Variants in PTP4A1 observed in about 807,000 individuals in gnomAD.
The protein encoded by PTP4A1 is protein tyrosine phosphatase type IVA 1.
In PTP4A1, 9 loss-of-function variants were observed where a neutral mutation model predicts 20.5. That is an observed-to-expected ratio of 0.44 (90% CI 0.26 to 0.77). PTP4A1 has a LOEUF of 0.77. PTP4A1 is among the 30% of genes least tolerant of loss of function. The pLI is 0.19. For synonymous variants in PTP4A1, 78 were observed against 67.4 expected (o/e 1.16, Z -0.77); for missense variants, 137 against 218.8 (o/e 0.63, Z 2.36).
chr6:63,570,198 G>C (rs929023741), upstream of PTP4A1, among the ~76,000 whole-genome samples: 1 of 152,088 alleles, frequency 6.6e-6, no homozygotes, highest in African/African-American at 2.4e-5. Context: ...AGGTGTGGTG[G>C]CAGGTGGCTG....
intron 3 of PTP4A1, among the ~76,000 whole-genome samples, chr6:63,558,976 G>C (rs1313182315): frequency 6.6e-6 from 1 of 152,122 alleles, no homozygotes; most frequent in Non-Finnish European, 1.5e-5. Flanking sequence ...AATGTTGAAG[G>C]GTGATTAGCT....
intron 3 of PTP4A1, among the ~76,000 whole-genome samples, chr6:63,556,253 G>A (rs1203203982): frequency 6.6e-6 from 1 of 151,842 alleles, no homozygotes; most frequent in Non-Finnish European, 1.5e-5. Flanking sequence ...CTTCCTCCGA[G>A]GCTCCAGGGT....
Position 63,581,029 on chromosome 6 carries a change from T to C in PTP4A1, c.*855T>C, listed in dbSNP as rs1253898177. On this transcript the variant is annotated 3_prime_UTR_variant, in exon 6 of 6. Coordinates refer to ENST00000626021, the MANE Select transcript of PTP4A1 (RefSeq NM_003463.5). ...TCTTTAATTTAGTAAAATATTTTTTTAAAAGGTAGAGATGCTTTGTTATTG... is the reference window on the plus strand; with the variant it reads ...TCTTTAATTTAGTAAAATATTTTTTCAAAAGGTAGAGATGCTTTGTTATTG... The C allele has an allele frequency of 6.6e-6, 1 of 152,230 alleles. No individual in the cohort carries two copies. Among genetic ancestry groups the C allele is most frequent in the African/African-American group, 2.4e-5 (1 of 41,456 alleles). The allele number at this position is 152,230 out of a possible 1,614,324, so 9.4% of individuals were successfully genotyped here.
intron 1 of PTP4A1, chr6:63,573,466 G>T (rs1199360257): frequency 2.6e-5 from 4 of 152,176 alleles, no homozygotes. Context: ...GCGCCTGACT[G>T]AAGGCGCGGC....
upstream of PTP4A1, among the ~76,000 whole-genome samples, chr6:63,520,676 G>A (rs1174664251): frequency 2.2e-5 from 3 of 138,888 alleles, no homozygotes; most frequent in East Asian, 4.1e-4. Flanking sequence ...TAAATAAAAT[G>A]AAAATAGATA....
chr6:63,571,091 G>A (rs942672492), upstream of PTP4A1: 5 of 152,238 alleles, frequency 3.3e-5, no homozygotes, highest in Non-Finnish European at 5.9e-5. Context: ...AAAATGTGTC[G>A]TAGGTGAGCC....
chr6:63,558,879 C>T (rs1468474509), intron 3 of PTP4A1, among the ~76,000 whole-genome samples: 1 of 152,174 alleles, frequency 6.6e-6, no homozygotes. Flanking sequence ...AATGAGTTGC[C>T]TCATCTGTCA....
intron 1 of PTP4A1, among the ~76,000 whole-genome samples, chr6:63,574,945 T>C (rs1777756158): frequency 6.6e-6 from 1 of 152,252 alleles, no homozygotes. Flanking sequence ...CTCTGAGGGC[T>C]TGTTTGAACA....
In PTP4A1 at chr6:63,573,589, C is replaced by T. The variant is rs540574020; in HGVS notation, c.-446+870C>T. The stretch of plus-strand genomic sequence containing the variant: ...GGCATTCCGCGAGCTGCACCCCTGC[C>T]CGGGCCAGAGTGGGGTTCTGCTAGG... On this transcript the variant is annotated intron_variant, in intron 1 of 5. Coordinates refer to ENST00000626021, the MANE Select transcript of PTP4A1 (RefSeq NM_003463.5). 5 of 152,422 alleles carry T rather than the reference C, an allele frequency of 3.3e-5. No homozygotes were observed. The South Asian group carries it at 1.0e-3, about 32-fold the overall frequency. The allele number at this position is 152,422 out of a possible 1,614,324, so 9.4% of individuals were successfully genotyped here.
At chr6:63,521,906 A>G (rs1774940247) in intron 1 of PTP4A1, 1 of 152,236 alleles carries the variant, frequency 6.6e-6, no homozygotes, top group African/African-American at 2.4e-5. Flanking sequence ...TCTTATAAAA[A>G]TATATTAATC....
intron 2 of PTP4A1, among the ~76,000 whole-genome samples, chr6:63,540,254 C>T (rs1581919688): frequency 7.9e-6 from 1 of 126,718 alleles, no homozygotes; most frequent in African/African-American, 2.9e-5. Context: ...AAGGCAGGAG[C>T]CCAGATGTAT....
rs1777884877 is a variant in PTP4A1, at chr6:63,576,674, G to A, written c.-207G>A. ...GTAAACCTCAGTGCACTTCTTTTCT[G>A]TTGGCCTCAGTATTACTGGATTGAA... On this transcript the variant is annotated 5_prime_UTR_variant, in exon 2 of 6. Coordinates refer to ENST00000626021, the MANE Select transcript of PTP4A1 (RefSeq NM_003463.5). 1.7e-6 allele frequency: 1 copy of A among 580,482 alleles called. No homozygotes were observed. The highest frequency in any genetic ancestry group is 3.3e-5 in the Admixed American group (1 of 30,160). 36.0% of individuals were successfully genotyped at this position (580,482 alleles called of 1,614,324 possible).
chr6:63,562,769 T>A (rs2149497130), intron 3 of PTP4A1, among the ~76,000 whole-genome samples: 1 of 152,382 alleles, frequency 6.6e-6, no homozygotes, highest in African/African-American at 2.4e-5. Context: ...CCCGCTGCTA[T>A]ATTCTCAAAA....
chr6:63,517,910 T>G (rs1024379512), upstream of PTP4A1, among the ~76,000 whole-genome samples: 1 of 152,056 alleles, frequency 6.6e-6, no homozygotes, highest in East Asian at 1.9e-4. Context: ...TCCCAACACT[T>G]TGGGAGTCCA....
In PTP4A1 at chr6:63,529,328, G is replaced by T. The variant is rs181926775; in HGVS notation, c.-640+1244G>T. Among the ~76,000 whole-genome samples the T allele has an allele frequency of 4.0e-5, 6 of 150,076 alleles. No individual in the cohort carries two copies. The East Asian group carries it at 1.2e-3, about 29-fold the overall frequency. On this transcript the variant is annotated intron_variant, in intron 2 of 3. Coordinates refer to the PTP4A1 transcript ENST00000639568. Reference sequence around the variant, plus strand: ...TACATAACATTTGATACATAAAATGGTCTTATTGCAAGACAAATATCAGAA... The same window carrying T: ...TACATAACATTTGATACATAAAATGTTCTTATTGCAAGACAAATATCAGAA...
chr6:63,527,801 G>C (rs1160016818), intron 1 of PTP4A1: 1 of 152,162 alleles, frequency 6.6e-6, no homozygotes, highest in Non-Finnish European at 1.5e-5. Context: ...CTGACAGATT[G>C]CTCTTTTTCC....
At chr6:63,565,169 T>C (rs1777135273) in intron 3 of PTP4A1, among the ~76,000 whole-genome samples, 1 of 151,952 alleles carries the variant, frequency 6.6e-6, no homozygotes, top group Non-Finnish European at 1.5e-5. Context: ...TGCACCATCA[T>C]GCCCAGATAA....
intron 3 of PTP4A1, among the ~76,000 whole-genome samples, chr6:63,554,258 G>A (rs1265641068): frequency 1.3e-5 from 2 of 152,066 alleles, no homozygotes; most frequent in African/African-American, 4.8e-5. Context: ...TTCTTGTCAA[G>A]CTTCTTGTCT....
intron 3 of PTP4A1, among the ~76,000 whole-genome samples, chr6:63,566,145 A>G (rs1777180909): frequency 6.6e-6 from 1 of 152,250 alleles, no homozygotes; most frequent in South Asian, 2.1e-4. Context: ...TAAAAGCAGC[A>G]GCAGGAGAAT....
Sources: allele counts gnomAD v4.1 joint callset (sites outside exome capture counted in the v4.1 genomes callset), GRCh38; gene constraint gnomAD v4.1.1; transcripts MANE v1.5; gene names NCBI Gene and HGNC (gene_info 2026-07-23, HGNC 2026-07-21).